Variants in BMP2K observed in about 807,000 individuals in gnomAD.
The protein encoded by BMP2K is BMP2 inducible kinase.
Under a neutral mutation model 116.0 loss-of-function variants are expected in BMP2K, and 74 were observed. The ratio of observed to expected loss-of-function variants is 0.64; its 90% CI spans 0.53 to 0.77. The LOEUF is 0.77. BMP2K is among the 30% of genes least tolerant of loss of function. The probability of loss-of-function intolerance (pLI) is 0.00; values close to 1 mark genes in which losing one functional copy is unlikely to be tolerated. For missense variants in BMP2K, 1,365 were observed against 1,403.6 expected (o/e 0.97, Z 0.44); for synonymous variants, 486 against 502.5 (o/e 0.97, Z 0.44).
intron 15 of BMP2K, among the ~76,000 whole-genome samples, chr4:78,890,420 A>G (rs748476137): frequency 6.6e-6 from 1 of 151,920 alleles, no homozygotes; most frequent in Non-Finnish European, 1.5e-5. Flanking sequence ...ACACACACAC[A>G]CACACACGTG....
chr4:78,913,761 T>C lies in BMP2K; in HGVS notation c.*1728T>C, dbSNP rs1577993409. 1.3e-5 allele frequency: 2 copies of C among 152,292 alleles called. No homozygotes were observed. The highest frequency in any genetic ancestry group is 4.1e-4 in the South Asian group (2 of 4,830). 9.4% of individuals were successfully genotyped at this position (152,292 alleles called of 1,614,324 possible). A position where few individuals can be genotyped will look rare whatever the true frequency, so the allele number is the denominator to read the frequency against. On this transcript the variant is annotated 3_prime_UTR_variant, in exon 16 of 16. Coordinates refer to ENST00000502613, the MANE Select transcript of BMP2K (RefSeq NM_198892.2). Reference sequence around the variant, plus strand: ...TTGCTTTTTCCCTTCTTTTATATGCTAAATCAAATATAGATTTGTGGATAG... The same window carrying C: ...TTGCTTTTTCCCTTCTTTTATATGCCAAATCAAATATAGATTTGTGGATAG...
intron 15 of BMP2K, among the ~76,000 whole-genome samples, chr4:78,898,270 T>C (rs12643807): frequency 0.07 from 10,678 of 152,138 alleles, 529 homozygotes; most frequent in East Asian, 0.22. Flanking sequence ...AGTTTAGGAT[T>C]GGGAAACATT....
In BMP2K at chr4:78,816,036, A is replaced by G. The variant is rs115006584; in HGVS notation, c.179-10001A>G. Among the ~76,000 whole-genome samples the G allele has an allele frequency of 6.5e-3, 989 of 152,156 alleles. 13 individuals are homozygous for G. The highest frequency in any genetic ancestry group is 0.023 in the African/African-American group (943 of 41,516). On this transcript the variant is annotated intron_variant, in intron 1 of 15. Transcript: ENST00000502613. ...TTACGTATTGCATAGAATGACCCTC[A>G]CTCGCTCTAAAAAATGGGTCACATT...
intron 2 of BMP2K, 152 bp downstream of exon 2, chr4:78,826,307 T>C: frequency 1.7e-6 from 1 of 595,366 alleles, no homozygotes; most frequent in Non-Finnish European, 3.0e-6. Context: ...GTTCAAGCAA[T>C]TCTCATGCCT....
chr4:78,877,952 A>G (rs567289448), intron 13 of BMP2K, among the ~76,000 whole-genome samples: 2 of 152,262 alleles, frequency 1.3e-5, no homozygotes, highest in African/African-American at 4.8e-5. Flanking sequence ...GTATATGACT[A>G]TATTTCCAGG....
At chr4:78,795,134 C>A (rs1560502722) in intron 1 of BMP2K, among the ~76,000 whole-genome samples, 1 of 152,162 alleles carries the variant, frequency 6.6e-6, no homozygotes, top group Non-Finnish European at 1.5e-5. Context: ...CATTATAACC[C>A]TTTGTACTTC....
At chr4:78,890,735 T>A (rs894157252) in intron 15 of BMP2K, among the ~76,000 whole-genome samples, 2 of 152,202 alleles carry the variant, frequency 1.3e-5, no homozygotes, top group Non-Finnish European at 2.9e-5. Flanking sequence ...AGCTCTGCAA[T>A]CAGAACTGGT....
intron 13 of BMP2K, among the ~76,000 whole-genome samples, chr4:78,874,680 C>T (rs1029101175): frequency 3.9e-5 from 6 of 152,230 alleles, no homozygotes; most frequent in Admixed American, 6.5e-5. Flanking sequence ...AGTTATGTCA[C>T]TGTTGAGAAT....
At chr4:78,821,897 A>G (rs1290591450) in intron 1 of BMP2K, among the ~76,000 whole-genome samples, 4 of 152,224 alleles carry the variant, frequency 2.6e-5, no homozygotes, top group Admixed American at 6.5e-5. Context: ...TAAAGCACCA[A>G]TACATTAAAA....
chr4:78,882,739 T>G (rs1732923822), intron 14 of BMP2K, among the ~76,000 whole-genome samples: 1 of 151,992 alleles, frequency 6.6e-6, no homozygotes, highest in South Asian at 2.1e-4. Context: ...TGGATCAAAA[T>G]AACTAAAAAG....
intron 15 of BMP2K, among the ~76,000 whole-genome samples, chr4:78,903,693 T>TA (rs1198715818): frequency 1.3e-5 from 2 of 151,966 alleles, no homozygotes; most frequent in East Asian, 1.9e-4. Flanking sequence ...TACAGAATAT[T>TA]AAAAAAAATT....
intron 1 of BMP2K, among the ~76,000 whole-genome samples, chr4:78,788,720 T>C (rs1727856062): frequency 6.6e-6 from 1 of 151,854 alleles, no homozygotes; most frequent in Non-Finnish European, 1.5e-5. Context: ...AAATATGTGT[T>C]TGTGTATGGT....
At chr4:78,857,480 C>G (rs528625921) in intron 7 of BMP2K, among the ~76,000 whole-genome samples, 84 of 152,198 alleles carry the variant, frequency 5.5e-4, no homozygotes, top group African/African-American at 1.8e-3. Flanking sequence ...TTTTTTCTCT[C>G]TCAGTGCTTT....
At chr4:78,859,478 C>A in intron 7 of BMP2K, 106 bp from the exon 8 acceptor site, 1 of 675,464 alleles carries the variant, frequency 1.5e-6, no homozygotes, top group South Asian at 2.5e-5. Context: ...CATCACTGAT[C>A]TTAGAGTGGA....
Position 78,840,942 on chromosome 4 carries a change from T to A in BMP2K, c.404-1443T>A, listed in dbSNP as rs183135768. 1.3e-4 allele frequency among the ~76,000 whole-genome samples: 20 copies of A among 152,302 alleles called. No homozygotes were observed. In the East Asian group the frequency reaches 1.5e-3, roughly 12 times the overall value. ...AATGTACACCAAGAAAGCATTTTTT[T>A]ATTCTGTTTAATTATTCTTAAACTA... On this transcript the variant is annotated intron_variant, in intron 3 of 15. Transcript: ENST00000502613.
intron 1 of BMP2K, among the ~76,000 whole-genome samples, chr4:78,824,005 A>G (rs1395102124): frequency 6.6e-6 from 1 of 152,192 alleles, no homozygotes; most frequent in East Asian, 1.9e-4. Flanking sequence ...ATGTTTACAT[A>G]TGAAATTAGT....
chr4:78,880,270 C>G (rs541121194), intron 14 of BMP2K, among the ~76,000 whole-genome samples: 45 of 152,258 alleles, frequency 3.0e-4, no homozygotes, highest in Middle Eastern at 6.8e-3. Flanking sequence ...TGGGATTTCT[C>G]CATGTTGGTC....
chr4:78,874,672 T>C (rs965819776), intron 13 of BMP2K, among the ~76,000 whole-genome samples: 1 of 152,190 alleles, frequency 6.6e-6, no homozygotes, highest in Non-Finnish European at 1.5e-5. Flanking sequence ...GGAAGCAAAG[T>C]TATGTCACTG....
rs768262110 is a variant in BMP2K, at chr4:78,910,687, A to C, written c.2140A>C (p.Thr714Pro). ...TGCAAACCCTATCAAGAACGGTAAA[A>C]CAAGTCCAGCATCTAAAGATCAGCG... is the stretch of plus-strand genomic sequence containing the variant. ...GTANPIKNGK[T>P]SPASKDQRTG... The change falls in exon 16 of 16, where the codon ACA becomes CCA. Residue 714 changes from threonine (T) to proline (P), a missense_variant. Transcript: ENST00000502613. The C allele has an allele frequency of 4.3e-6, 7 of 1,609,964 alleles. No homozygotes were observed. The highest frequency in any genetic ancestry group is 5.9e-6 in the Non-Finnish European group (7 of 1,178,714).
Sources: allele counts gnomAD v4.1 joint callset (sites outside exome capture counted in the v4.1 genomes callset), GRCh38; gene constraint gnomAD v4.1.1; transcripts MANE v1.5; gene names NCBI Gene and HGNC (gene_info 2026-07-23, HGNC 2026-07-21).